BCL2L11: variants seen among roughly 807,000 people sequenced by gnomAD.
BCL2L11 encodes bcl-2-like protein 11.
BCL2L11 carries 15 observed loss-of-function variants against 20.6 expected under a neutral mutation model. The observed-to-expected ratio is 0.73, with a 90% CI of 0.49 to 1.12. The LOEUF is 1.12. Among genes scored for constraint, BCL2L11 ranks in the 50% most tolerant of loss-of-function variants. The pLI is 0.00. For synonymous variants in BCL2L11, 108 were observed against 92.8 expected (o/e 1.16, Z -0.94); for missense variants, 292 against 260.9 (o/e 1.12, Z -0.82).
chr2:111,126,369 G>T (rs2072619376), intron 2 of BCL2L11, among the ~76,000 whole-genome samples: 1 of 152,130 alleles, frequency 6.6e-6, no homozygotes, highest in Non-Finnish European at 1.5e-5. Context: ...TGGATCCTGA[G>T]GTGTAATTTT....
At chr2:111,147,612 C>T (rs2076734059) in intron 2 of BCL2L11, among the ~76,000 whole-genome samples, 1 of 152,172 alleles carries the variant, frequency 6.6e-6, no homozygotes, top group African/African-American at 2.4e-5. Flanking sequence ...TGAATGCATT[C>T]ACTAAGTGCT....
chr2:111,141,229 G>A (rs1489611353), intron 2 of BCL2L11, among the ~76,000 whole-genome samples: 1 of 151,964 alleles, frequency 6.6e-6, no homozygotes, highest in East Asian at 1.9e-4. Context: ...GTTTATTGCG[G>A]CATTATTCAC....
chr2:111,123,140 CGGGA>C, intron 1 of BCL2L11: 1 of 984,192 alleles, frequency 1.0e-6, no homozygotes, highest in Non-Finnish European at 1.2e-6. Context: ...GGTACGGGAG[CGGGA>C]GGGAGGGAGC....
chr2:111,167,260 T>C lies in BCL2L11; in HGVS notation c.*3029T>C, dbSNP rs2079067174. The stretch of plus-strand genomic sequence containing the variant: ...TCCAGGGTGGCTCTCCACCTTCGGG[T>C]CCTGGTATTTCCAGTCAAGTGGGTT... On this transcript the variant is annotated 3_prime_UTR_variant, in exon 4 of 4. Coordinates refer to ENST00000393256, the MANE Select transcript of BCL2L11 (RefSeq NM_138621.5). The C allele has an allele frequency of 6.6e-6, 1 of 152,214 alleles. No individual in the cohort carries two copies. The highest frequency in any genetic ancestry group is 1.5e-5 in the Non-Finnish European group (1 of 68,042). The allele number at this position is 152,214 out of a possible 1,614,324, so 9.4% of individuals were successfully genotyped here. A position where few individuals can be genotyped will look rare whatever the true frequency, so the allele number is the denominator to read the frequency against.
chr2:111,146,241 C>G, intron 2 of BCL2L11: 1 of 982,174 alleles, frequency 1.0e-6, no homozygotes, highest in Non-Finnish European at 1.2e-6. Flanking sequence ...TTTGATCTCC[C>G]TACAGAGTAA....
rs73954956 is a variant in BCL2L11 at position 111,144,517 on chromosome 2, C to G, written c.395-5527C>G. 1,168 of 1,550,536 alleles carry G rather than the reference C, an allele frequency of 7.5e-4. 7 individuals carry two copies. In the African/African-American group the frequency reaches 0.014, roughly 19 times the overall value. On this transcript the variant is annotated intron_variant, in intron 2 of 3. Coordinates refer to ENST00000393256, the MANE Select transcript of BCL2L11 (RefSeq NM_138621.5). ...CTGGGACTAGAAACAGCTCCATCAC[C>G]CAGGTGAGTTTTATAAGGAAACATA...
intron 1 of BCL2L11, chr2:111,123,065 A>G (rs1053337194): frequency 7.2e-6 from 7 of 975,514 alleles, no homozygotes; most frequent in East Asian, 1.1e-4. Flanking sequence ...CCCCCTCCCC[A>G]TTTAGAGATG....
chr2:111,141,428 A>G (rs2075791620), intron 2 of BCL2L11, among the ~76,000 whole-genome samples: 2 of 149,246 alleles, frequency 1.3e-5, no homozygotes, highest in South Asian at 4.3e-4. Context: ...AAAACCAAAC[A>G]CTGCATATTC....
intron 2 of BCL2L11, among the ~76,000 whole-genome samples, chr2:111,141,144 A>G (rs1322814210): frequency 6.6e-6 from 1 of 152,208 alleles, no homozygotes; most frequent in Admixed American, 6.5e-5. Flanking sequence ...GCCCTTCCGC[A>G]GTGGTCATAG....
intron 2 of BCL2L11, chr2:111,130,083 G>A: frequency 5.1e-6 from 2 of 392,018 alleles, no homozygotes; most frequent in Non-Finnish European, 1.0e-5. Flanking sequence ...AGGATTAAAA[G>A]AAGTATTTAT....
chr2:111,160,180 C>T (rs1354227711), intron 3 of BCL2L11, among the ~76,000 whole-genome samples: 2 of 152,250 alleles, frequency 1.3e-5, no homozygotes, highest in Non-Finnish European at 2.9e-5. Flanking sequence ...CTCCTCTTGT[C>T]CTTCCAAGAA....
intron 2 of BCL2L11, among the ~76,000 whole-genome samples, chr2:111,135,307 A>G (rs2074671780): frequency 2.6e-5 from 4 of 152,172 alleles, no homozygotes; most frequent in Non-Finnish European, 5.9e-5. Context: ...TCTACTAGGT[A>G]AGTTGGAAGT....
chr2:111,131,061 T>G (rs998438714), intron 2 of BCL2L11, among the ~76,000 whole-genome samples: 6 of 152,128 alleles, frequency 3.9e-5, no homozygotes, highest in Non-Finnish European at 7.4e-5. Flanking sequence ...GTCTGTCGTC[T>G]TCTTTTAAGA....
At chr2:111,163,164 G>T (rs3827536) in intron 3 of BCL2L11, 88,828 of 152,568 alleles carry the variant, frequency 0.58, 27,470 homozygotes, top group African/African-American at 0.79. Context: ...TCAGCCTGAT[G>T]CATGGCAGGT....
At chr2:111,154,155 T>C (rs1448377494) in intron 3 of BCL2L11, among the ~76,000 whole-genome samples, 1 of 152,194 alleles carries the variant, frequency 6.6e-6, no homozygotes, top group Non-Finnish European at 1.5e-5. Context: ...ATGTACAATT[T>C]ATTTCAGAAA....
intron 2 of BCL2L11, among the ~76,000 whole-genome samples, chr2:111,138,012 CT>C (rs66601807): frequency 0.38 from 47,707 of 126,724 alleles, 8,265 homozygotes; most frequent in Non-Finnish European, 0.44. Flanking sequence ...TTCTTTCTTT[CT>C]TTTTTTTTTT....
At chr2:111,155,988 C>T (rs565058202) in intron 3 of BCL2L11, among the ~76,000 whole-genome samples, 1 of 152,188 alleles carries the variant, frequency 6.6e-6, no homozygotes, top group South Asian at 2.1e-4. Flanking sequence ...TTTTCCTGTG[C>T]TCTGTATGAA....
chr2:111,128,378 A>G (rs2073133589), intron 2 of BCL2L11, among the ~76,000 whole-genome samples: 1 of 152,056 alleles, frequency 6.6e-6, no homozygotes, highest in Admixed American at 6.5e-5. Flanking sequence ...CTTTTTGGCT[A>G]TTGTGAGTAG....
At chr2:111,136,811 A>G (rs1412961580) in intron 2 of BCL2L11, among the ~76,000 whole-genome samples, 1 of 152,144 alleles carries the variant, frequency 6.6e-6, no homozygotes, top group Admixed American at 6.5e-5. Flanking sequence ...TAACGTTTAT[A>G]CCATAGCAGT....
Sources: allele counts gnomAD v4.1 joint callset (sites outside exome capture counted in the v4.1 genomes callset), GRCh38; gene constraint gnomAD v4.1.1; transcripts MANE v1.5; gene names NCBI Gene and HGNC (gene_info 2026-07-23, HGNC 2026-07-21).